Variants in LTBP2 observed in about 807,000 individuals in gnomAD.
The protein encoded by LTBP2 is latent-transforming growth factor beta-binding protein 2.
A neutral mutation model predicts 210.6 loss-of-function variants in LTBP2; 103 were observed. That is an observed-to-expected ratio of 0.49 (90% CI 0.42 to 0.58). The LOEUF is 0.58. Ranked by LOEUF, LTBP2 falls within the 20% of genes least tolerant of loss-of-function variation. LTBP2 has a pLI of 0.00. For missense variants in LTBP2, 2,313 were observed against 2,494.5 expected, an observed-to-expected ratio of 0.93 and a Z score of 1.55; for synonymous variants, 1,007 against 1,015.0, an observed-to-expected ratio of 0.99 and a Z score of 0.15.
intron 3 of LTBP2, among the ~76,000 whole-genome samples, chr14:74,557,363 T>C (rs1273640508): frequency 1.3e-5 from 2 of 152,210 alleles, no homozygotes; most frequent in Non-Finnish European, 2.9e-5. Flanking sequence ...CACTGGTGTA[T>C]TGCTTTCTGA....
At chr14:74,551,644 C>G (rs1477905440) in intron 6 of LTBP2, among the ~76,000 whole-genome samples, 1 of 152,152 alleles carries the variant, frequency 6.6e-6, no homozygotes, top group East Asian at 1.9e-4. Flanking sequence ...CCCCCTGTCT[C>G]CTGCATGGCC....
intron 4 of LTBP2, among the ~76,000 whole-genome samples, chr14:74,553,448 C>T (rs1331236341): frequency 6.6e-6 from 1 of 152,114 alleles, no homozygotes; most frequent in Non-Finnish European, 1.5e-5. Context: ...ACGCAGCTAG[C>T]AAGTGATGCA....
At position 74,545,544 on chromosome 14, in the gene LTBP2, C is replaced by T. The variant is rs1192951466; in HGVS notation, c.1789+4319G>A. 2.0e-5 allele frequency among the ~76,000 whole-genome samples: 3 copies of T among 152,202 alleles called. No homozygotes were observed. The South Asian group carries it at 6.2e-4, about 31-fold the overall frequency. ...ACGATCTCATGGCAAACAGCTGGAG[C>T]CCACCACTGTAGGCCCTGAGCCATG... On this transcript the variant is annotated intron_variant, in intron 8 of 35. Transcript: ENST00000261978.
intron 1 of LTBP2, among the ~76,000 whole-genome samples, chr14:74,605,033 G>A (rs1313684753): frequency 2.0e-5 from 3 of 152,164 alleles, no homozygotes; most frequent in Admixed American, 1.3e-4. Flanking sequence ...AGGCTGGGCC[G>A]GGCTCTGGCT....
chr14:74,607,101 C>T (rs1365060878), intron 1 of LTBP2, among the ~76,000 whole-genome samples: 1 of 152,198 alleles, frequency 6.6e-6, no homozygotes, highest in African/African-American at 2.4e-5. Flanking sequence ...GGATGAGCCA[C>T]TGAGGGTAGG....
chr14:74,549,959 T>C lies in LTBP2; in HGVS notation c.1693A>G (p.Asn565Asp), dbSNP rs772840301. The C allele has an allele frequency of 1.2e-6, 2 of 1,611,364 alleles. No homozygotes were observed. The highest frequency in any genetic ancestry group is 3.3e-5 in the Admixed American group (2 of 60,018). The change falls in exon 8 of 36, where the codon AAC (asparagine) becomes GAC (aspartate). Residue 565 changes from asparagine (N) to aspartate (D), a missense_variant. Physicochemically the swap from Asn to Asp is conservative, Grantham distance 23 (BLOSUM62 1). Coordinates refer to ENST00000261978, the MANE Select transcript of LTBP2 (RefSeq NM_000428.3). Reference protein sequence around the residue: ...YLNTVNGQCANPLLELTTQED... With the variant: ...YLNTVNGQCADPLLELTTQED... ...TGGGTAGTCAGCTCCAGCAGAGGGT[T>C]GGCACACTGGAAGGAGAGGCCATGG...
chr14:74,600,071 G>C (rs572948584), intron 2 of LTBP2, among the ~76,000 whole-genome samples: 5 of 152,298 alleles, frequency 3.3e-5, no homozygotes, highest in African/African-American at 7.2e-5. Flanking sequence ...CCACAGGGGT[G>C]GGGGAGAGCC....
At chr14:74,514,097 TTCTATTACCAGCTAC>T (rs1264935494) in intron 18 of LTBP2, among the ~76,000 whole-genome samples, 1 of 152,214 alleles carries the variant, frequency 6.6e-6, no homozygotes, top group Non-Finnish European at 1.5e-5. Context: ...ATGAAGCAGA[TTCTATTACCAGCTAC>T]TCTGAGGCTG....
Position 74,532,450 on chromosome 14 carries a change from C to T in LTBP2, c.1963G>A (p.Asp655Asn), listed in dbSNP as rs2087363391. The T allele has an allele frequency of 6.2e-7, 1 of 1,614,184 alleles. No homozygotes were observed. Among genetic ancestry groups the T allele is most frequent in the Non-Finnish European group, 8.5e-7 (1 of 1,180,032 alleles). The change falls in exon 10 of 36, where the codon GAT (aspartate) becomes AAT (asparagine). Residue 655 changes from aspartate (D) to asparagine (N), a missense_variant. Physicochemically the swap from Asp to Asn is conservative, Grantham distance 23. This residue lies in a region of LTBP2 where 1,867 missense variants were observed against 1,976.9 expected (regional missense o/e 0.94). Coordinates refer to ENST00000261978, the MANE Select transcript of LTBP2 (RefSeq NM_000428.3). Reference protein sequence around the residue: ...LCTCRPGLMLDPSRSRCVSDK... With the variant: ...LCTCRPGLMLNPSRSRCVSDK... ...CACACACAGCGGCTCCGCGATGGATCCAGCATGAGGCCAGGTCTGCATGTG... is the reference window on the plus strand; with the variant it reads ...CACACACAGCGGCTCCGCGATGGATTCAGCATGAGGCCAGGTCTGCATGTG...
Position 74,586,043 on chromosome 14 carries a change from C to A in LTBP2, c.641G>T (p.Arg214Leu). 1 of 1,602,588 alleles carries A rather than the reference C, an allele frequency of 6.2e-7. No homozygotes were observed. The highest frequency in any genetic ancestry group is 1.7e-4 in the Middle Eastern group (1 of 6,040). ...AATGACCTCCTCGCAGCGGGCTCCA[C>A]GGAAACCAGAGCGGCAGACACAGAG... is the stretch of plus-strand genomic sequence containing the variant. ...PQLCVCRSGF[R>L]GARCEEVIPD... The change falls in exon 3 of 36, where the codon CGT (arginine) becomes CTT (leucine). Residue 214 changes from arginine (R) to leucine (L), a missense_variant. By Grantham distance (102) the Arg-to-Leu change is moderately radical. Transcript: ENST00000261978. This position sits in a 1 kb window ranked among gnomAD's most constrained non-coding sequence, Gnocchi z 4.6.
rs779291304 is a variant in LTBP2, at chr14:74,551,044, G to A, written c.1686+20C>T. ...CCATCCTGGAAGCATCCAGGGCTGA[G>A]GCCAGAGCTGTGTTCTCACCTGTCC... On this transcript the variant is annotated intron_variant, in intron 7 of 35. Transcript: ENST00000261978. 3.7e-5 allele frequency: 59 copies of A among 1,613,478 alleles called. No homozygotes were observed. The highest frequency in any genetic ancestry group is 4.9e-5 in the Non-Finnish European group (58 of 1,179,988).
intron 10 of LTBP2, among the ~76,000 whole-genome samples, chr14:74,531,975 T>C (rs1481422549): frequency 6.6e-6 from 1 of 152,196 alleles, no homozygotes; most frequent in Non-Finnish European, 1.5e-5. Flanking sequence ...GCCACAGGAT[T>C]GTGGAAAGGC....
intron 9 of LTBP2, among the ~76,000 whole-genome samples, chr14:74,533,303 G>A (rs1307491511): frequency 1.3e-5 from 2 of 152,244 alleles, no homozygotes; most frequent in African/African-American, 4.8e-5. Context: ...GAATAGCCAG[G>A]TCACCCACTG....
At chr14:74,576,023 AC>A (rs1187901943) in intron 3 of LTBP2, among the ~76,000 whole-genome samples, 1 of 150,418 alleles carries the variant, frequency 6.6e-6, no homozygotes, top group Non-Finnish European at 1.5e-5. Flanking sequence ...AGCTGCCACA[AC>A]CCCCTGTCCA....
chr14:74,599,329 T>C (rs1387509537), intron 2 of LTBP2, among the ~76,000 whole-genome samples: 1 of 150,276 alleles, frequency 6.7e-6, no homozygotes, highest in South Asian at 2.2e-4. Context: ...TTCTCTTCTG[T>C]CCTCCCCAAA....
chr14:74,500,725 A>G lies in LTBP2; in HGVS notation c.*159T>C. On this transcript the variant is annotated 3_prime_UTR_variant, in exon 36 of 36. Transcript: ENST00000261978. ...GGCATGGAGGCAATGACCGAAGCTT[A>G]CAGCCAGAGGCTAAGCTGGGAGAGA... 12 of 976,226 alleles carry G rather than the reference A, an allele frequency of 1.2e-5. 1 individual carries two copies. The South Asian group carries it at 1.7e-4, about 14-fold the overall frequency. The allele number at this position is 976,226 out of a possible 1,614,324, so 60.5% of individuals were successfully genotyped here.
At chr14:74,561,292 T>C (rs2087790839) in intron 3 of LTBP2, among the ~76,000 whole-genome samples, 1 of 152,112 alleles carries the variant, frequency 6.6e-6, no homozygotes, top group Non-Finnish European at 1.5e-5. Flanking sequence ...CATTCCAGCC[T>C]GGGTGACAGA....
intron 13 of LTBP2, among the ~76,000 whole-genome samples, chr14:74,526,695 G>T (rs1023592294): frequency 2.6e-5 from 4 of 152,198 alleles, no homozygotes; most frequent in Admixed American, 6.5e-5. Flanking sequence ...ACAGAACAAG[G>T]CACCCGGAAG....
At chr14:74,593,213 C>G (rs1306597555) in intron 2 of LTBP2, among the ~76,000 whole-genome samples, 2 of 152,176 alleles carry the variant, frequency 1.3e-5, no homozygotes, top group Non-Finnish European at 2.9e-5. Flanking sequence ...TGGGAAGGGA[C>G]CAAACTCAGA....
Sources: gnomAD v4.1 joint callset for allele counts (sites outside exome capture counted in the v4.1 genomes callset) on GRCh38, gnomAD v4.1.1 for gene constraint, gnomAD v4.1.1 regional missense constraint, Gnocchi (gnomAD v3.1) non-coding constraint, MANE v1.5 for transcripts, NCBI Gene and HGNC (gene_info 2026-07-23, HGNC 2026-07-21) for gene names.